Variants in SMOC1 observed in about 807,000 individuals in gnomAD.
SMOC1 encodes SPARC related modular calcium binding 1, also known as SPARC-related modular calcium-binding protein 1.
Under a neutral mutation model 56.3 loss-of-function variants are expected in SMOC1, and 22 were observed. That is an observed-to-expected ratio of 0.39 (90% confidence interval 0.28 to 0.56). SMOC1 has a LOEUF of 0.56. Ranked by LOEUF, SMOC1 falls within the 20% of genes least tolerant of loss-of-function variation. The pLI is 0.61. For missense variants in SMOC1, 509 were observed against 565.4 expected, an observed-to-expected ratio of 0.90 and a Z score of 1.01; for synonymous variants, 193 against 215.0, an observed-to-expected ratio of 0.90 and a Z score of 0.89.
At chr14:69,893,811 A>G (rs1884025823) in intron 1 of SMOC1, among the ~76,000 whole-genome samples, 3 of 152,118 alleles carry the variant, frequency 2.0e-5, no homozygotes, top group Non-Finnish European at 4.4e-5. Context: ...CCAGAATGTG[A>G]TTGTATTTGG....
chr14:69,993,853 C>T (rs895236370), intron 6 of SMOC1, among the ~76,000 whole-genome samples: 16 of 152,236 alleles, frequency 1.1e-4, no homozygotes, highest in African/African-American at 3.6e-4. Flanking sequence ...CACTGGGTGA[C>T]CAAATCCTGG....
At chr14:69,907,008 G>C (rs1034487476) in intron 1 of SMOC1, among the ~76,000 whole-genome samples, 10 of 152,192 alleles carry the variant, frequency 6.6e-5, no homozygotes, top group Non-Finnish European at 1.0e-4. Flanking sequence ...AAAATTACTA[G>C]AGGAATGTCT....
At chr14:70,006,890 G>A (rs996234004) in intron 7 of SMOC1, among the ~76,000 whole-genome samples, 2 of 152,156 alleles carry the variant, frequency 1.3e-5, no homozygotes, top group African/African-American at 2.4e-5. Context: ...AAGTGAAAGC[G>A]AGAGCTGCAA....
chr14:69,907,944 C>T (rs1251202302), intron 1 of SMOC1, among the ~76,000 whole-genome samples: 1 of 152,136 alleles, frequency 6.6e-6, no homozygotes, highest in African/African-American at 2.4e-5. Flanking sequence ...TGAGGTCTTC[C>T]CCTATGACCT....
chr14:69,912,339 C>T (rs947267908), intron 1 of SMOC1, among the ~76,000 whole-genome samples: 2 of 152,176 alleles, frequency 1.3e-5, no homozygotes, highest in Non-Finnish European at 2.9e-5. Context: ...ACCTTGAACT[C>T]CCGGCTTCAA....
At chr14:69,990,777 C>G (rs1884537085) in intron 5 of SMOC1, among the ~76,000 whole-genome samples, 1 of 152,202 alleles carries the variant, frequency 6.6e-6, no homozygotes, top group Admixed American at 6.5e-5. Context: ...CTCTTCTCTT[C>G]CTGCTACATC....
chr14:70,025,567 G>T (rs115402097), intron 11 of SMOC1, among the ~76,000 whole-genome samples: 1 of 152,090 alleles, frequency 6.6e-6, no homozygotes, highest in African/African-American at 2.4e-5. Flanking sequence ...TCCCGGCCTC[G>T]CTCTTTCACT....
At chr14:70,008,371 G>A (rs1267382110) in intron 7 of SMOC1, among the ~76,000 whole-genome samples, 2 of 152,170 alleles carry the variant, frequency 1.3e-5, no homozygotes, top group African/African-American at 4.8e-5. Context: ...AACTCCTGGG[G>A]TAAGCAATCT....
At chr14:70,028,722 T>C (rs917910689) in intron 11 of SMOC1, among the ~76,000 whole-genome samples, 1 of 152,170 alleles carries the variant, frequency 6.6e-6, no homozygotes, top group African/African-American at 2.4e-5. Flanking sequence ...AAAGGTGGGA[T>C]TTGAAGTCAG....
At chr14:69,966,712 A>G (rs1011807988) in intron 3 of SMOC1, among the ~76,000 whole-genome samples, 1 of 152,314 alleles carries the variant, frequency 6.6e-6, no homozygotes, top group East Asian at 1.9e-4. Flanking sequence ...GAATTTTGGG[A>G]CAATTTTTTT....
chr14:69,932,423 T>C (rs1885191176), intron 1 of SMOC1, among the ~76,000 whole-genome samples: 1 of 152,116 alleles, frequency 6.6e-6, no homozygotes, highest in South Asian at 2.1e-4. Flanking sequence ...CTCCTGTCCC[T>C]GGGGCTGGGG....
chr14:69,990,475 G>A (rs930286956), intron 5 of SMOC1, among the ~76,000 whole-genome samples: 1 of 152,204 alleles, frequency 6.6e-6, no homozygotes, highest in Non-Finnish European at 1.5e-5. Context: ...CTGTGTGGAA[G>A]GGCTGAGCAC....
At chr14:70,008,369 G>C (rs1445235138) in intron 7 of SMOC1, among the ~76,000 whole-genome samples, 1 of 152,090 alleles carries the variant, frequency 6.6e-6, no homozygotes, top group Non-Finnish European at 1.5e-5. Context: ...CAAACTCCTG[G>C]GGTAAGCAAT....
At chr14:69,912,424 AT>A (rs1279183959) in intron 1 of SMOC1, among the ~76,000 whole-genome samples, 1 of 151,924 alleles carries the variant, frequency 6.6e-6, no homozygotes, top group Non-Finnish European at 1.5e-5. Context: ...AATTAAAAAA[AT>A]TTTTTTTGTA....
At chr14:69,950,977 A>G (rs1000556210) in intron 1 of SMOC1, among the ~76,000 whole-genome samples, 1 of 152,120 alleles carries the variant, frequency 6.6e-6, no homozygotes, top group African/African-American at 2.4e-5. Flanking sequence ...CTCTCATGCA[A>G]TTATTTATTT....
At chr14:69,964,243 T>A (rs1263235564) in intron 3 of SMOC1, among the ~76,000 whole-genome samples, 2 of 151,320 alleles carry the variant, frequency 1.3e-5, no homozygotes, top group Non-Finnish European at 2.9e-5. Flanking sequence ...GGGCGGTATC[T>A]GCAGCTGCTC....
chr14:70,013,608 G>A, intron 10 of SMOC1, 117 bp downstream of exon 10: 1 of 877,748 alleles, frequency 1.1e-6, no homozygotes, highest in Non-Finnish European at 1.9e-6. Flanking sequence ...GCTGGAAGTT[G>A]ATCTTTTTCC....
intron 5 of SMOC1, among the ~76,000 whole-genome samples, chr14:69,991,944 A>G (rs1884581464): frequency 6.6e-6 from 1 of 152,098 alleles, no homozygotes; most frequent in South Asian, 2.1e-4. Context: ...GTTTTCCTTG[A>G]GCTCTTTAAT....
intron 1 of SMOC1, among the ~76,000 whole-genome samples, chr14:69,902,765 C>G (rs932786058): frequency 6.6e-6 from 1 of 151,992 alleles, no homozygotes; most frequent in Admixed American, 6.5e-5. Flanking sequence ...TGCAGGCGCG[C>G]GCCGCCACGC....
Sources: gnomAD v4.1 joint callset for allele counts (sites outside exome capture counted in the v4.1 genomes callset) on GRCh38, gnomAD v4.1.1 for gene constraint, MANE v1.5 for transcripts, NCBI Gene and HGNC (gene_info 2026-07-23, HGNC 2026-07-21) for gene names.